WDR33: variants seen among roughly 807,000 people sequenced by gnomAD.
The protein encoded by WDR33 is pre-mRNA 3' end processing protein WDR33.
In WDR33, 47 loss-of-function variants were observed where a neutral mutation model predicts 164.9. That is an observed-to-expected ratio of 0.29 (90% CI 0.23 to 0.36). The LOEUF is 0.36. Ranked by LOEUF, WDR33 falls within the 10% of genes least tolerant of loss-of-function variation. The probability of loss-of-function intolerance (pLI) is 1.00; values close to 1 mark genes in which losing one functional copy is unlikely to be tolerated. For missense variants in WDR33, 1,137 were observed against 1,754.1 expected (o/e 0.65, Z 6.28); for synonymous variants, 505 against 589.0 (o/e 0.86, Z 2.06).
At position 127,704,334 on chromosome 2, in the gene WDR33, G is replaced by A. The variant is rs1685962548; in HGVS notation, c.*1989C>T. 6.0e-6 allele frequency: 1 copy of A among 166,876 alleles called. No individual in the cohort carries two copies. The highest frequency in any genetic ancestry group is 1.5e-5 in the Non-Finnish European group (1 of 68,094). The allele number at this position is 166,876 out of a possible 1,614,324, so 10.3% of individuals were successfully genotyped here. The stretch of plus-strand genomic sequence containing the variant: ...CAAGGTAAAATGAAAATTTTTAAAT[G>A]TGATCTGGTTATCTGCTTACTGAGA... On this transcript the variant is annotated 3_prime_UTR_variant, in exon 22 of 22. Transcript: ENST00000322313.
In WDR33 at chr2:127,719,459, G is replaced by A. The variant is rs1342384266; in HGVS notation, c.2566C>T (p.Pro856Ser). The change falls in exon 16 of 22, where the codon CCA (proline) becomes TCA (serine). Residue 856 changes from proline to serine, a missense_variant. Physicochemically the swap from Pro to Ser is moderately conservative, Grantham distance 74. Transcript: ENST00000322313. The surrounding 1 kb of genome is among the most constrained non-coding windows in gnomAD (Gnocchi z 6.5). ...GGCCCCTGCTGACTTTGTGAGCCTG[G>A]AGGCCCTCGCAATTCCTGGGGAGGT... Reference protein sequence around the residue: ...LGPPQELRGPPGSQSQQGPPQ... With the variant: ...LGPPQELRGPSGSQSQQGPPQ... 5.0e-6 allele frequency: 8 copies of A among 1,586,560 alleles called. No homozygotes were observed. Among genetic ancestry groups the A allele is most frequent in the Non-Finnish European group, 5.2e-6 (6 of 1,164,662 alleles).
At chr2:127,801,301 G>C (rs1259897362) in intron 1 of WDR33, among the ~76,000 whole-genome samples, 1 of 151,868 alleles carries the variant, frequency 6.6e-6, no homozygotes, top group African/African-American at 2.4e-5. Context: ...AACACACACA[G>C]ACACAGAAAA....
intron 1 of WDR33, among the ~76,000 whole-genome samples, chr2:127,802,495 TG>T (rs1239020344): frequency 6.6e-6 from 1 of 152,130 alleles, no homozygotes; most frequent in Non-Finnish European, 1.5e-5. Context: ...TTGGCCAGGC[TG>T]GTCTCAAACT....
chr2:127,754,189 G>A (rs1009704041), intron 7 of WDR33, among the ~76,000 whole-genome samples: 2 of 152,126 alleles, frequency 1.3e-5, no homozygotes, highest in Non-Finnish European at 2.9e-5. Context: ...ACAGAGGTTG[G>A]CAACATCTCC....
In WDR33 at chr2:127,763,110, C is replaced by G. The variant is rs1687726247; in HGVS notation, c.676G>C (p.Val226Leu). 1.9e-6 allele frequency: 3 copies of G among 1,614,078 alleles called. No homozygotes were observed. Among genetic ancestry groups the G allele is most frequent in the Non-Finnish European group, 2.5e-6 (3 of 1,179,950 alleles). ...KFATCSDDGTVRIWDFLRCHE... is the reference protein window; with the variant it reads ...KFATCSDDGTLRIWDFLRCHE... ...CAACGAAGAAAGTCCCAGATTCTAA[C>G]AGTGCCGTCATCAGAGCATGTAGCA... Residue 226 changes from valine to leucine, a missense_variant, in exon 7 of 22, where the codon GTT (valine) becomes CTT (leucine). Around this residue, in one of 9 missense-constraint regions of WDR33, gnomAD observed 83 missense variants for 189.2 expected, o/e 0.44. Transcript: ENST00000322313. The surrounding 1 kb of genome is among the most constrained non-coding windows in gnomAD (Gnocchi z 4.5).
chr2:127,765,143 G>A (rs1278261746), intron 5 of WDR33, 31 bp downstream of exon 5: 26 of 1,596,718 alleles, frequency 1.6e-5, no homozygotes, highest in Non-Finnish European at 2.1e-5. Context: ...AGTACCACAG[G>A]ATGATGATAC....
At position 127,718,046 on chromosome 2, in the gene WDR33, T is replaced by C. The variant is rs1366824354; in HGVS notation, c.2761-783A>G. On this transcript the variant is annotated intron_variant, in intron 16 of 21. Transcript: ENST00000322313. This position sits in a 1 kb window ranked among gnomAD's most constrained non-coding sequence, Gnocchi z 4.4. ...AGGGCAATTTAGAATGGCAATCCTA[T>C]ACTTAATTCATCCTAACTTCTGAGA... 2.0e-5 allele frequency among the ~76,000 whole-genome samples: 3 copies of C among 152,196 alleles called. No homozygotes were observed. The highest frequency in any genetic ancestry group is 4.4e-5 in the Non-Finnish European group (3 of 68,030).
rs554432662 is a variant in WDR33, at chr2:127,716,052, A to T, written c.2869+1103T>A. Among the ~76,000 whole-genome samples, 1 of 152,244 alleles carries T rather than the reference A, an allele frequency of 6.6e-6. No individual in the cohort carries two copies. Among genetic ancestry groups the T allele is most frequent in the East Asian group, 1.9e-4 (1 of 5,188 alleles). On this transcript the variant is annotated intron_variant, in intron 17 of 21. Coordinates refer to ENST00000322313, the MANE Select transcript of WDR33 (RefSeq NM_018383.5). The surrounding 1 kb of genome is among the most constrained non-coding windows in gnomAD (Gnocchi z 4.5). Reference sequence around the variant, plus strand: ...AGCTCTCAGTTTGCTGATGGCGATAACTCAGGGGGTAAAAGACTCTCCTTT... The same window carrying T: ...AGCTCTCAGTTTGCTGATGGCGATATCTCAGGGGGTAAAAGACTCTCCTTT...
At chr2:127,780,279 C>CA (rs1303943078) in intron 1 of WDR33, among the ~76,000 whole-genome samples, 2 of 152,170 alleles carry the variant, frequency 1.3e-5, no homozygotes, top group Non-Finnish European at 2.9e-5. Context: ...CCTCCATTAA[C>CA]ACTCCTGACC....
intron 1 of WDR33, among the ~76,000 whole-genome samples, chr2:127,784,102 GCTTAT>G (rs1291164588): frequency 1.3e-5 from 2 of 151,728 alleles, no homozygotes; most frequent in African/African-American, 2.4e-5. Context: ...TCACATTTCT[GCTTAT>G]CTTTTTAGTA....
Position 127,724,422 on chromosome 2 carries a change from C to G in WDR33, c.1107G>C (p.Gly369=). 6.2e-7 allele frequency: 1 copy of G among 1,614,138 alleles called. No homozygotes were observed. Among genetic ancestry groups the G allele is most frequent in the East Asian group, 2.2e-5 (1 of 44,878 alleles). The change falls in exon 11 of 22, where the codon GGG becomes GGC. Residue 369 remains glycine (G), a synonymous_variant. Transcript: ENST00000322313. This position sits in a 1 kb window ranked among gnomAD's most constrained non-coding sequence, Gnocchi z 4.8. ...TCATCCCTTCGTGAGCCATCTCCAT[C>G]CCACCCACTTCCTTCTCTACCCTGC... The part of the protein sequence containing the change: ...WHVGVEKEVG[G]MEMAHEGMIW...
chr2:127,792,339 T>A (rs1163119896), intron 1 of WDR33, among the ~76,000 whole-genome samples: 2 of 151,938 alleles, frequency 1.3e-5, no homozygotes, highest in African/African-American at 2.4e-5. Flanking sequence ...GGAAAAAAAA[T>A]TTCCAAACTG....
chr2:127,708,554 C>T lies in WDR33; in HGVS notation c.3781+123G>A. ...CAGATGACAGCTCGTGTGGCACTGG[C>T]ACCACATTTAGGAGCATGTGCCTCT... On this transcript the variant is annotated intron_variant, in intron 21 of 21. Transcript: ENST00000322313. This position sits in a 1 kb window ranked among gnomAD's most constrained non-coding sequence, Gnocchi z 6.7. 9.2e-7 allele frequency: 1 copy of T among 1,090,774 alleles called. No individual in the cohort carries two copies. Among genetic ancestry groups the T allele is most frequent in the African/African-American group, 1.6e-5 (1 of 63,398 alleles). The allele number at this position is 1,090,774 out of a possible 1,614,324, so 67.6% of individuals were successfully genotyped here. A position where few individuals can be genotyped will look rare whatever the true frequency, so the allele number is the denominator to read the frequency against.
chr2:127,798,170 C>T (rs1397396359), intron 1 of WDR33, among the ~76,000 whole-genome samples: 1 of 151,484 alleles, frequency 6.6e-6, no homozygotes, highest in Non-Finnish European at 1.5e-5. Flanking sequence ...GAGTTCAAGA[C>T]CAGCCTGGCC....
intron 18 of WDR33, among the ~76,000 whole-genome samples, chr2:127,711,780 A>ATTTTTTTTTTTTTTTTTTTTTTTTTTT (rs1158780905): frequency 1.1e-5 from 1 of 88,320 alleles, no homozygotes; most frequent in African/African-American, 6.5e-5. Context: ...ATATATATAT[A>ATTTTTTTTTTTTTTTTTTTTTTTTTTT]TTTTTTTTTT....
At position 127,702,063 on chromosome 2, in the gene WDR33, GC is replaced by G; in HGVS notation, c.*4259del. Reference sequence around the variant, plus strand: ...GCTGGGCGCGGGCGCGCAGGTGGCCGCGCTGCTGGCCGCGCTGGTTGGGCTG... The same window carrying G: ...GCTGGGCGCGGGCGCGCAGGTGGCCGGCTGCTGGCCGCGCTGGTTGGGCTG... On this transcript the variant is annotated 3_prime_UTR_variant, in exon 22 of 22. Coordinates refer to ENST00000322313, the MANE Select transcript of WDR33 (RefSeq NM_018383.5). 1 of 1,209,186 alleles carries G rather than the reference GC, an allele frequency of 8.3e-7. No individual in the cohort carries two copies. The highest frequency in any genetic ancestry group is 1.0e-6 in the Non-Finnish European group (1 of 972,170). The allele number at this position is 1,209,186 out of a possible 1,614,324, so 74.9% of individuals were successfully genotyped here.
At chr2:127,774,868 A>C (rs1427151556) in intron 1 of WDR33, among the ~76,000 whole-genome samples, 1 of 152,192 alleles carries the variant, frequency 6.6e-6, no homozygotes, top group East Asian at 1.9e-4. Context: ...AAGTGAAAGA[A>C]GTCAGCCACA....
At chr2:127,736,089 CCAGTCTGAGAGCCTT>C in intron 7 of WDR33, 1 of 985,384 alleles carries the variant, frequency 1.0e-6, no homozygotes, top group Non-Finnish European at 1.2e-6. Context: ...AGTTTCTTTC[CCAGTCTGAGAGCCTT>C]CAGTCCTTTC....
Position 127,731,035 on chromosome 2 carries a change from T to C in WDR33, c.725-4258A>G, listed in dbSNP as rs574479105. Among the ~76,000 whole-genome samples the C allele has an allele frequency of 1.2e-4, 18 of 152,176 alleles. 1 individual carries two copies. The South Asian group carries it at 3.3e-3, about 28-fold the overall frequency. ...TTGATCAGGCACGGTGGCGCATGCC[T>C]GTAATCCCAGCACTTTGGGAGGCCA... On this transcript the variant is annotated intron_variant, in intron 7 of 21. Transcript: ENST00000322313.
Sources: gnomAD v4.1 joint callset for allele counts (sites outside exome capture counted in the v4.1 genomes callset) on GRCh38, gnomAD v4.1.1 for gene constraint, gnomAD v4.1.1 regional missense constraint, Gnocchi (gnomAD v3.1) non-coding constraint, MANE v1.5 for transcripts, NCBI Gene and HGNC (gene_info 2026-07-23, HGNC 2026-07-21) for gene names.